Variants in NDNF observed in about 807,000 individuals in gnomAD.
NDNF encodes neuron derived neurotrophic factor.
A neutral mutation model predicts 42.0 loss-of-function variants in NDNF; 16 were observed. That is an observed-to-expected ratio of 0.38 (90% confidence interval 0.26 to 0.58). NDNF has a LOEUF of 0.58. Among genes scored for constraint, NDNF ranks in the 20% least tolerant of loss-of-function variants. The pLI is 0.67. For missense variants in NDNF, 616 were observed against 666.2 expected, an observed-to-expected ratio of 0.92 and a Z score of 0.83; for synonymous variants, 248 against 251.7, an observed-to-expected ratio of 0.99 and a Z score of 0.14.
chr4:121,039,228 ATATAT>A (rs1726952372), intron 3 of NDNF, among the ~76,000 whole-genome samples: 7 of 134,516 alleles, frequency 5.2e-5, no homozygotes, highest in African/African-American at 1.7e-4. Flanking sequence ...ATATATATAT[ATATAT>A]ATAAAGACTA....
Position 121,045,790 on chromosome 4 carries a change from G to A in NDNF, c.48C>T (p.Ser16=), listed in dbSNP as rs755101871. Reference sequence around the variant, plus strand: ...GGGTGGGTAACTTCTGGGTCCTTGAGCTGAGTGGAAACAGGAGCCACAGCA... The same window carrying A: ...GGGTGGGTAACTTCTGGGTCCTTGAACTGAGTGGAAACAGGAGCCACAGCA... The part of the protein sequence containing the change: ...WCLLWLLFPL[S]SRTQKLPTRD... Residue 16 remains serine (S), a synonymous_variant, in exon 2 of 4, where the codon AGC becomes AGT. Transcript: ENST00000379692. 11 of 1,614,058 alleles carry A rather than the reference G, an allele frequency of 6.8e-6. No homozygotes were observed. The African/African-American group carries it at 1.2e-4, about 18-fold the overall frequency.
chr4:121,039,338 C>T (rs1726955690), intron 3 of NDNF, among the ~76,000 whole-genome samples: 2 of 149,972 alleles, frequency 1.3e-5, no homozygotes, highest in East Asian at 2.0e-4. Flanking sequence ...GCCATACAAA[C>T]TCTTCTCATT....
intron 1 of NDNF, among the ~76,000 whole-genome samples, chr4:121,068,636 T>TG (rs545629314): frequency 2.4e-4 from 36 of 152,278 alleles, no homozygotes; most frequent in Middle Eastern, 3.4e-3. Flanking sequence ...GGCCACTGAC[T>TG]GGCAAGGTTC....
At chr4:121,059,012 G>C (rs1034477697) in intron 1 of NDNF, among the ~76,000 whole-genome samples, 10 of 151,844 alleles carry the variant, frequency 6.6e-5, no homozygotes, top group African/African-American at 2.2e-4. Context: ...CATATTCCCA[G>C]CAAGTGCCTC....
chr4:121,055,179 C>G (rs1727269442), intron 1 of NDNF, among the ~76,000 whole-genome samples: 1 of 152,090 alleles, frequency 6.6e-6, no homozygotes, highest in Non-Finnish European at 1.5e-5. Flanking sequence ...AGGAATAACC[C>G]TGTCTATTGT....
rs548037480 is a variant in NDNF at position 121,053,465 on chromosome 4, T to C, written c.-1-7627A>G. ...AATCTTGTATTCCCATCAATATTAA[T>C]GCCAATGAGAAGAATAATGAATAAC... On this transcript the variant is annotated intron_variant, in intron 1 of 3. Transcript: ENST00000379692. 1.3e-4 allele frequency among the ~76,000 whole-genome samples: 20 copies of C among 152,164 alleles called. 1 individual carries two copies. The highest frequency in any genetic ancestry group is 3.6e-4 in the African/African-American group (15 of 41,550).
At chr4:121,055,563 C>T (rs145071610) in intron 1 of NDNF, among the ~76,000 whole-genome samples, 4 of 151,200 alleles carry the variant, frequency 2.6e-5, no homozygotes, top group African/African-American at 7.2e-5. Context: ...AGCTGTCTAT[C>T]TTAGATGCAG....
rs146607458 is a variant in NDNF, at chr4:121,061,973, G to T, written c.-2+10020C>A. Among the ~76,000 whole-genome samples the T allele has an allele frequency of 2.4e-3, 361 of 152,316 alleles. 1 individual carries two copies. Among genetic ancestry groups the T allele is most frequent in the African/African-American group, 8.2e-3 (339 of 41,574 alleles). ...TGAGATTAAATGAAATAATTGATATGAATGTTCTTTTAAAATTAAAAAGGT... is the reference window on the plus strand; with the variant it reads ...TGAGATTAAATGAAATAATTGATATTAATGTTCTTTTAAAATTAAAAAGGT... On this transcript the variant is annotated intron_variant, in intron 1 of 3. Transcript: ENST00000379692.
Position 121,037,174 on chromosome 4 carries a change from C to G in NDNF, c.797G>C (p.Arg266Pro). 6.2e-7 allele frequency: 1 copy of G among 1,613,920 alleles called. No homozygotes were observed. The highest frequency in any genetic ancestry group is 8.5e-7 in the Non-Finnish European group (1 of 1,180,002). The change falls in exon 4 of 4, where the codon CGC (arginine) becomes CCC (proline). Residue 266 changes from arginine (R) to proline (P), a missense_variant. Coordinates refer to ENST00000379692, the MANE Select transcript of NDNF (RefSeq NM_024574.4). Reference protein sequence around the residue: ...GFPSDNSGKERSFQAKPSPKL... With the variant: ...GFPSDNSGKEPSFQAKPSPKL... ...TGGAGAAGGCTTTGCCTGGAAACTG[C>G]GTTCTTTACCTGAATTATCAGAAGG... is the stretch of plus-strand genomic sequence containing the variant.
At chr4:121,039,208 A>AAATACTATGTATGTG (rs1321895629) in intron 3 of NDNF, among the ~76,000 whole-genome samples, 2 of 93,794 alleles carry the variant, frequency 2.1e-5, no homozygotes, top group Admixed American at 1.2e-4. Context: ...ATATATATAT[A>AAATACTATGTATGTG]TATATATATA....
In NDNF at chr4:121,036,812, T is replaced by C. The variant is rs1726878866; in HGVS notation, c.1159A>G (p.Ile387Val). 6.2e-7 allele frequency: 1 copy of C among 1,614,158 alleles called. No homozygotes were observed. ...AGTTTCCCATCTCTTCTCACTTGGA[T>C]TTGGACAGCATCCAGACAAGAGTGA... ...FIHSCLDAVQ[I>V]QVRRDGKLLL... Residue 387 changes from isoleucine to valine, a missense_variant, in exon 4 of 4, where the codon ATC (isoleucine) becomes GTC (valine). Transcript: ENST00000379692.
chr4:121,040,098 A>G, intron 2 of NDNF, 44 bp from the exon 3 acceptor site: 1 of 1,574,946 alleles, frequency 6.3e-7, no homozygotes. Context: ...ATTCTTTCTA[A>G]CATTTACAAT....
chr4:121,047,596 T>A (rs959903510), intron 1 of NDNF, among the ~76,000 whole-genome samples: 1 of 152,214 alleles, frequency 6.6e-6, no homozygotes, highest in East Asian at 1.9e-4. Context: ...GTATTGCAAG[T>A]GTAAGAAAAT....
At chr4:121,070,212 A>G (rs139125406) in intron 1 of NDNF, among the ~76,000 whole-genome samples, 70 of 118,528 alleles carry the variant, frequency 5.9e-4, no homozygotes, top group Non-Finnish European at 1.2e-3. Flanking sequence ...CCTTATTATC[A>G]CTCTTAACAA....
chr4:121,053,520 T>C (rs11936138), intron 1 of NDNF, among the ~76,000 whole-genome samples: 12,444 of 152,198 alleles, frequency 0.082, 1,116 homozygotes, highest in African/African-American at 0.23. Context: ...GTCTCATAGA[T>C]AGGAGTAGTC....
intron 1 of NDNF, among the ~76,000 whole-genome samples, chr4:121,058,414 G>A (rs1282864456): frequency 3.9e-5 from 6 of 152,086 alleles, no homozygotes; most frequent in African/African-American, 1.4e-4. Context: ...TGAGAGTCAG[G>A]CTTGAATTTG....
chr4:121,061,840 T>C (rs1014622579), intron 1 of NDNF, among the ~76,000 whole-genome samples: 51 of 152,166 alleles, frequency 3.4e-4, no homozygotes, highest in African/African-American at 1.2e-3. Flanking sequence ...GTTGAAAAGG[T>C]CCTGATTAAA....
At chr4:121,068,809 A>G (rs1359005237) in intron 1 of NDNF, among the ~76,000 whole-genome samples, 1 of 152,166 alleles carries the variant, frequency 6.6e-6, no homozygotes, top group Admixed American at 6.5e-5. Flanking sequence ...CTTAATTAGC[A>G]CATATGATGT....
intron 1 of NDNF, among the ~76,000 whole-genome samples, chr4:121,066,484 C>G (rs933149233): frequency 3.9e-5 from 6 of 152,172 alleles, no homozygotes; most frequent in Non-Finnish European, 4.4e-5. Context: ...ACTGGTTTTT[C>G]TCTCTTAAAT....
Sources: allele counts gnomAD v4.1 joint callset (sites outside exome capture counted in the v4.1 genomes callset), GRCh38; gene constraint gnomAD v4.1.1; transcripts MANE v1.5; gene names NCBI Gene and HGNC (gene_info 2026-07-23, HGNC 2026-07-21).